CNBD1: variants seen among roughly 807,000 people sequenced by gnomAD.
The protein encoded by CNBD1 is cyclic nucleotide binding domain containing 1, also known as cyclic nucleotide-binding domain-containing protein 1.
CNBD1 carries 71 observed loss-of-function variants against 54.4 expected under a neutral mutation model. That is an observed-to-expected ratio of 1.30 (90% CI 1.08 to 1.59). CNBD1 has a LOEUF of 1.59. CNBD1 is among the 40% of genes most tolerant of loss of function. The pLI, the probability that CNBD1 is intolerant of heterozygous loss-of-function variation, is 0.00. For synonymous variants in CNBD1, 182 were observed against 170.7 expected, an observed-to-expected ratio of 1.07 and a Z score of -0.51; for missense variants, 659 against 518.0, an observed-to-expected ratio of 1.27 and a Z score of -2.64.
At chr8:86,876,144 A>G (rs1054307512) in intron 1 of CNBD1, among the ~76,000 whole-genome samples, 7 of 150,658 alleles carry the variant, frequency 4.6e-5, no homozygotes, top group Admixed American at 6.7e-5. Context: ...GATGGAATCC[A>G]CTGTGATAAT....
chr8:86,868,417 A>T (rs1018888032), intron 1 of CNBD1, among the ~76,000 whole-genome samples: 1 of 152,118 alleles, frequency 6.6e-6, no homozygotes, highest in African/African-American at 2.4e-5. Context: ...ATCTCAGCTC[A>T]CCACAACCTC....
chr8:87,355,844 G>A (rs1329185221), intron 10 of CNBD1, among the ~76,000 whole-genome samples: 1 of 152,130 alleles, frequency 6.6e-6, no homozygotes, highest in Admixed American at 6.5e-5. Context: ...CATCCTCAAT[G>A]TTGGAGCTGC....
chr8:87,384,186 A>G (rs192273292), downstream of CNBD1, among the ~76,000 whole-genome samples: 82 of 152,174 alleles, frequency 5.4e-4, no homozygotes, highest in African/African-American at 2.0e-3. Flanking sequence ...CCATTATCTA[A>G]TGGACCCCTG....
chr8:87,428,489 T>TTTTA (rs34224018), intron 2 of CNBD1: 47,796 of 374,080 alleles, frequency 0.13, 4,370 homozygotes, highest in African/African-American at 0.33. Flanking sequence ...CAATTGCTCT[T>TTTTA]TTTATGAAGA....
intron 8 of CNBD1, among the ~76,000 whole-genome samples, chr8:87,289,163 A>G (rs115476285): frequency 0.032 from 4,864 of 152,204 alleles, 222 homozygotes; most frequent in African/African-American, 0.095. Context: ...ATCTTATTTT[A>G]AGAATGTACA....
chr8:87,084,367 A>T (rs1020497812), intron 4 of CNBD1, among the ~76,000 whole-genome samples: 3 of 152,188 alleles, frequency 2.0e-5, no homozygotes, highest in Admixed American at 6.5e-5. Context: ...TAGCACAGGC[A>T]TGCTGACAAT....
At chr8:87,192,444 G>C (rs1189642765) in intron 4 of CNBD1, among the ~76,000 whole-genome samples, 1 of 152,028 alleles carries the variant, frequency 6.6e-6, no homozygotes, top group African/African-American at 2.4e-5. Flanking sequence ...TTAATGTAGG[G>C]GCTAAAGTGG....
rs558535122 is a variant in CNBD1, at chr8:87,424,241, A to C, written c.214-4305A>C. On this transcript the variant is annotated intron_variant, in intron 2 of 7. Coordinates refer to the CNBD1 transcript ENST00000521593. The stretch of plus-strand genomic sequence containing the variant: ...CAAAATACCAGCTCCTGGATTCATT[A>C]ATTTTTTGAAGGGTTTTTTGTGTCT... 3.2e-3 allele frequency among the ~76,000 whole-genome samples: 479 copies of C among 151,846 alleles called. 2 individuals are homozygous for C. Among genetic ancestry groups the C allele is most frequent in the African/African-American group, 0.011 (447 of 41,334 alleles).
intron 8 of CNBD1, among the ~76,000 whole-genome samples, chr8:87,311,370 G>A (rs2130890883): frequency 6.6e-6 from 1 of 152,186 alleles, no homozygotes; most frequent in East Asian, 1.9e-4. Flanking sequence ...CTAATTATCA[G>A]AGAAATGCAA....
At chr8:86,960,139 G>A (rs987540683) in intron 4 of CNBD1, among the ~76,000 whole-genome samples, 11 of 152,216 alleles carry the variant, frequency 7.2e-5, no homozygotes, top group South Asian at 2.1e-4. Context: ...GGAGCTTGTC[G>A]GATAGTGGGT....
chr8:87,214,813 G>C (rs1025102588), intron 5 of CNBD1, among the ~76,000 whole-genome samples: 16 of 152,124 alleles, frequency 1.1e-4, no homozygotes, highest in African/African-American at 3.9e-4. Flanking sequence ...GTCAGCTCTT[G>C]TGAGACTTAC....
chr8:87,176,818 T>G (rs945022049), intron 4 of CNBD1, among the ~76,000 whole-genome samples: 1 of 152,168 alleles, frequency 6.6e-6, no homozygotes, highest in African/African-American at 2.4e-5. Context: ...AAAGGATACT[T>G]TTTGTTTATT....
Position 87,356,479 on chromosome 8 carries a change from T to C in CNBD1, c.1303+2693T>C, listed in dbSNP as rs1468292752. 3.9e-5 allele frequency among the ~76,000 whole-genome samples: 6 copies of C among 152,184 alleles called. No homozygotes were observed. The South Asian group carries it at 8.3e-4, about 21-fold the overall frequency. On this transcript the variant is annotated intron_variant, in intron 10 of 10. Coordinates refer to ENST00000518476, the MANE Select transcript of CNBD1 (RefSeq NM_173538.3). ...TAGCAAAAATCTTGGCTGCATTGTG[T>C]CCATGCCCTAAAGATTTGTGGAAAG... is the stretch of plus-strand genomic sequence containing the variant.
chr8:86,914,497 T>A (rs1246946161), intron 3 of CNBD1, among the ~76,000 whole-genome samples: 2 of 152,240 alleles, frequency 1.3e-5, no homozygotes, highest in Non-Finnish European at 2.9e-5. Flanking sequence ...CGCTCTATGA[T>A]GTTTACCCAA....
At chr8:87,266,077 T>C (rs1808249678) in intron 6 of CNBD1, among the ~76,000 whole-genome samples, 1 of 152,058 alleles carries the variant, frequency 6.6e-6, no homozygotes, top group African/African-American at 2.4e-5. Context: ...CTTTGAAAGA[T>C]ATCACAGAAG....
intron 4 of CNBD1, among the ~76,000 whole-genome samples, chr8:87,198,312 C>T (rs1356197110): frequency 6.6e-6 from 1 of 152,172 alleles, no homozygotes; most frequent in Admixed American, 6.5e-5. Context: ...TGTGACTTAT[C>T]TACCAGCTCC....
chr8:87,094,118 T>A (rs1468461972), intron 4 of CNBD1, among the ~76,000 whole-genome samples: 1 of 152,168 alleles, frequency 6.6e-6, no homozygotes, highest in Non-Finnish European at 1.5e-5. Flanking sequence ...GCTATGTTTG[T>A]GGGTGGGGCA....
intron 10 of CNBD1, among the ~76,000 whole-genome samples, chr8:87,359,362 C>A (rs867949893): frequency 6.6e-6 from 1 of 151,912 alleles, no homozygotes; most frequent in Admixed American, 6.6e-5. Context: ...ATGATGTGTG[C>A]CTAATTGAAT....
rs118122554 is a variant in CNBD1, at chr8:87,197,880, A to T, written c.432-8113A>T. On this transcript the variant is annotated intron_variant, in intron 4 of 10. Coordinates refer to ENST00000518476, the MANE Select transcript of CNBD1 (RefSeq NM_173538.3). The stretch of plus-strand genomic sequence containing the variant: ...TGCACTTCCCTAACCCCTTGTCATT[A>T]GGTGCTTGAGATACAGGTTGACCTT... Among the ~76,000 whole-genome samples, 189 of 152,148 alleles carry T rather than the reference A, an allele frequency of 1.2e-3. 1 individual carries two copies. Among genetic ancestry groups the T allele is most frequent in the East Asian group, 7.4e-3 (38 of 5,164 alleles).
Sources: allele counts gnomAD v4.1 joint callset (sites outside exome capture counted in the v4.1 genomes callset), GRCh38; gene constraint gnomAD v4.1.1; transcripts MANE v1.5; gene names NCBI Gene and HGNC (gene_info 2026-07-23, HGNC 2026-07-21).